TTC28: variants seen among roughly 807,000 people sequenced by gnomAD.
TTC28 encodes the protein tetratricopeptide repeat protein 28.
A neutral mutation model predicts 198.0 loss-of-function variants in TTC28; 61 were observed. The observed-to-expected ratio is 0.31, with a 90% CI of 0.25 to 0.38. The LOEUF (loss-of-function observed/expected upper bound fraction) is 0.38. TTC28 is among the 10% of genes least tolerant of loss of function. The pLI is 1.00. For synonymous variants in TTC28, 1,171 were observed against 1,297.8 expected (o/e 0.90, Z 2.10); for missense variants, 2,678 against 3,164.0 (o/e 0.85, Z 3.69).
At chr22:28,138,530 GAAGCCCA>G (rs1943254305) in intron 6 of TTC28, among the ~76,000 whole-genome samples, 1 of 152,200 alleles carries the variant, frequency 6.6e-6, no homozygotes, top group Non-Finnish European at 1.5e-5. Context: ...TATTCTGGCA[GAAGCCCA>G]TTCCTCCATC....
intron 6 of TTC28, among the ~76,000 whole-genome samples, chr22:28,141,574 C>A (rs1168538036): frequency 6.6e-6 from 1 of 152,034 alleles, no homozygotes; most frequent in Non-Finnish European, 1.5e-5. Context: ...AATAAAGGTT[C>A]AAATTGATTG....
At chr22:28,479,940 T>C (rs77964432) in intron 2 of TTC28, among the ~76,000 whole-genome samples, 3,023 of 152,274 alleles carry the variant, frequency 0.02, 30 homozygotes, top group Non-Finnish European at 0.027. Context: ...AAAACATTTA[T>C]TGAATAATAT....
chr22:28,139,418 G>A (rs1943277293), intron 6 of TTC28, among the ~76,000 whole-genome samples: 1 of 152,076 alleles, frequency 6.6e-6, no homozygotes, highest in Non-Finnish European at 1.5e-5. Flanking sequence ...AGGATAGGAT[G>A]GCCTTAATCA....
At chr22:28,274,976 TAAAAAAA>T (rs34582010) in intron 5 of TTC28, among the ~76,000 whole-genome samples, 18 of 77,876 alleles carry the variant, frequency 2.3e-4, no homozygotes, top group African/African-American at 4.9e-4. Context: ...GAGACTGTCT[TAAAAAAA>T]AAAAAAAAAA....
chr22:28,387,938 G>T (rs1396412129), intron 2 of TTC28, among the ~76,000 whole-genome samples: 1 of 152,198 alleles, frequency 6.6e-6, no homozygotes, highest in Non-Finnish European at 1.5e-5. Context: ...GTGCTGAATG[G>T]TAATGCCTAG....
chr22:27,982,655 C>A lies in TTC28; in HGVS notation c.7012G>T (p.Asp2338Tyr), dbSNP rs369054200. 3 of 1,551,614 alleles carry A rather than the reference C, an allele frequency of 1.9e-6. No individual in the cohort carries two copies. The highest frequency in any genetic ancestry group is 2.6e-6 in the Non-Finnish European group (3 of 1,147,024). Residue 2338 changes from aspartate (D) to tyrosine (Y), a missense_variant, in exon 23 of 23, where the codon GAC (aspartate) becomes TAC (tyrosine). Physicochemically the swap from Asp to Tyr is radical, Grantham distance 160. Coordinates refer to ENST00000397906, the MANE Select transcript of TTC28 (RefSeq NM_001145418.2). This position sits in a 1 kb window ranked among gnomAD's most constrained non-coding sequence, Gnocchi z 5.2. The stretch of plus-strand genomic sequence containing the variant: ...TTCAGTTTGTCTATGTCGGGAGCGT[C>A]TGCTGGACTTGAGCGAGCAGATCCA... The part of the protein sequence containing the change: ...SAGSARSSPA[D>Y]APDIDKLKMA...
intron 2 of TTC28, among the ~76,000 whole-genome samples, chr22:28,579,724 T>C (rs1404177150): frequency 6.6e-6 from 1 of 151,686 alleles, no homozygotes; most frequent in African/African-American, 2.4e-5. Context: ...TCCCAGCACT[T>C]TGGGAGGCCA....
At chr22:28,438,500 G>A (rs1456622363) in intron 2 of TTC28, among the ~76,000 whole-genome samples, 1 of 152,122 alleles carries the variant, frequency 6.6e-6, no homozygotes, top group Admixed American at 6.5e-5. Flanking sequence ...ACTCTCAAAT[G>A]ACATAATTAA....
chr22:28,470,119 A>T (rs2048079074), intron 2 of TTC28, among the ~76,000 whole-genome samples: 2 of 152,208 alleles, frequency 1.3e-5, no homozygotes, highest in Admixed American at 1.3e-4. Flanking sequence ...CACTGGGATT[A>T]CAGGCATAAG....
intron 5 of TTC28, among the ~76,000 whole-genome samples, chr22:28,285,641 T>C (rs1018341159): frequency 1.3e-5 from 2 of 152,192 alleles, no homozygotes; most frequent in African/African-American, 2.4e-5. Flanking sequence ...CGTTTCACAA[T>C]GTATACATAC....
intron 1 of TTC28, among the ~76,000 whole-genome samples, chr22:28,636,190 A>G (rs1216645631): frequency 8.1e-6 from 1 of 122,890 alleles, no homozygotes; most frequent in East Asian, 2.6e-4. Context: ...CAGTGGCACG[A>G]TCTTGGCTCA....
chr22:28,169,433 A>G (rs1446166178), intron 5 of TTC28, among the ~76,000 whole-genome samples: 2 of 152,228 alleles, frequency 1.3e-5, no homozygotes, highest in African/African-American at 4.8e-5. Flanking sequence ...AATGTCCAAC[A>G]ATGATAGACT....
chr22:28,620,703 T>C (rs1426505046), intron 2 of TTC28, among the ~76,000 whole-genome samples: 2 of 152,126 alleles, frequency 1.3e-5, no homozygotes, highest in Non-Finnish European at 2.9e-5. Flanking sequence ...ATGGCAACAG[T>C]TCTTAAGGGT....
At chr22:28,211,848 G>A (rs571719818) in intron 5 of TTC28, among the ~76,000 whole-genome samples, 180 of 152,050 alleles carry the variant, frequency 1.2e-3, no homozygotes, top group African/African-American at 3.5e-3. Context: ...GCACCATATC[G>A]CACTTATTCC....
intron 2 of TTC28, among the ~76,000 whole-genome samples, chr22:28,427,338 C>T (rs937909225): frequency 6.6e-5 from 10 of 152,164 alleles, no homozygotes; most frequent in Non-Finnish European, 1.3e-4. Flanking sequence ...TCCTTTCTTT[C>T]TTTCCAACTA....
intron 2 of TTC28, among the ~76,000 whole-genome samples, chr22:28,530,455 G>T (rs2049108517): frequency 6.6e-6 from 1 of 152,150 alleles, no homozygotes; most frequent in Non-Finnish European, 1.5e-5. Context: ...GAAAGTCATG[G>T]GGAGAATGGA....
At chr22:28,634,870 C>T (rs2146218339) in intron 1 of TTC28, among the ~76,000 whole-genome samples, 1 of 151,878 alleles carries the variant, frequency 6.6e-6, no homozygotes, top group East Asian at 2.0e-4. Context: ...CAGGCATGAG[C>T]TGCCACACCC....
intron 6 of TTC28, among the ~76,000 whole-genome samples, chr22:28,128,292 T>C (rs1464216162): frequency 6.6e-6 from 1 of 151,624 alleles, no homozygotes; most frequent in Non-Finnish European, 1.5e-5. Flanking sequence ...CACTCCAGCC[T>C]GGGCAACAGA....
At chr22:28,646,548 A>G (rs2051470512) in intron 1 of TTC28, among the ~76,000 whole-genome samples, 1 of 152,204 alleles carries the variant, frequency 6.6e-6, no homozygotes, top group Non-Finnish European at 1.5e-5. Context: ...AGAATTAGAG[A>G]TAGCAACCCT....
Sources: gnomAD v4.1 joint callset for allele counts (sites outside exome capture counted in the v4.1 genomes callset) on GRCh38, gnomAD v4.1.1 for gene constraint, Gnocchi (gnomAD v3.1) non-coding constraint, MANE v1.5 for transcripts, NCBI Gene and HGNC (gene_info 2026-07-23, HGNC 2026-07-21) for gene names.